Variants in CYP3A7 observed in about 807,000 individuals in gnomAD.
CYP3A7 encodes the protein cytochrome P450 3A7.
A neutral mutation model predicts 55.2 loss-of-function variants in CYP3A7; 45 were observed. That is an observed-to-expected ratio of 0.82 (90% CI 0.64 to 1.05). The LOEUF (loss-of-function observed/expected upper bound fraction) is 1.05, where lower values mean the gene tolerates loss of function less well. Ranked by LOEUF, CYP3A7 falls within the 50% of genes least tolerant of loss-of-function variation. The pLI is 0.00. For synonymous variants in CYP3A7, 180 were observed against 207.4 expected (o/e 0.87, Z 1.13); for missense variants, 548 against 605.3 (o/e 0.91, Z 0.99).
Position 99,710,754 on chromosome 7 carries a change from A to G in CYP3A7, c.1004T>C (p.Ile335Thr), listed in dbSNP as rs778224174. The change falls in exon 10 of 13, where the codon ATT becomes ACT. Residue 335 changes from isoleucine (I) to threonine (T), a missense_variant. Transcript: ENST00000336374. ...PDVQQKVQKE[I>T]DTVLPNKAPP... ...CACCTTATTGGGTAAAACTGTATCAATTTCCTTCTGCACTTTCTGCTGGAC... is the reference window on the plus strand; with the variant it reads ...CACCTTATTGGGTAAAACTGTATCAGTTTCCTTCTGCACTTTCTGCTGGAC... The G allele has an allele frequency of 5.6e-6, 9 of 1,613,772 alleles. No individual in the cohort carries two copies. In the African/African-American group the frequency reaches 1.2e-4, roughly 22 times the overall value.
In CYP3A7 at chr7:99,717,512, A is replaced by T. The variant is rs772631664; in HGVS notation, c.432+14T>A. ...TCTTTAAGTTTCTAATTAAAACCCA[A>T]GTTATTTTCATACCTCCTTGAGTTT... On this transcript the variant is annotated intron_variant, in intron 5 of 12. Coordinates refer to ENST00000336374, the MANE Select transcript of CYP3A7 (RefSeq NM_000765.5). 5 of 1,613,438 alleles carry T rather than the reference A, an allele frequency of 3.1e-6. No homozygotes were observed. Among genetic ancestry groups the T allele is most frequent in the Non-Finnish European group, 3.4e-6 (4 of 1,179,714 alleles).
intron 1 of CYP3A7, among the ~76,000 whole-genome samples, chr7:99,732,208 C>T (rs1814653267): frequency 6.6e-6 from 1 of 152,098 alleles, no homozygotes; most frequent in Admixed American, 6.5e-5. Flanking sequence ...GTGGCACCTC[C>T]TCCCCACCCT....
At chr7:99,708,918 T>C (rs1813634153) in intron 11 of CYP3A7, 117 bp downstream of exon 11, 2 of 1,243,036 alleles carry the variant, frequency 1.6e-6, no homozygotes, top group Non-Finnish European at 1.2e-6. Flanking sequence ...TGAAAAAACC[T>C]TTTAAACATA....
At position 99,707,900 on chromosome 7, in the gene CYP3A7, A is replaced by G. The variant is rs762758271; in HGVS notation, c.1328T>C (p.Ile443Thr). The change falls in exon 12 of 13, where the codon ATT (isoleucine) becomes ACT (threonine). Residue 443 changes from isoleucine (I) to threonine (T), a missense_variant. By Grantham distance (89) the Ile-to-Thr change is moderately conservative (BLOSUM62 -1). Transcript: ENST00000336374. The part of the protein sequence containing the change: ...TPFGSGPRNC[I>T]GMRFALVNMK... ...GTTCACGAGAGCAAACCTCATGCCA[A>G]TGCAGTTTCTGGGTCCACTTCCAAA... 1 of 1,614,058 alleles carries G rather than the reference A, an allele frequency of 6.2e-7. No individual in the cohort carries two copies. Among genetic ancestry groups the G allele is most frequent in the Non-Finnish European group, 8.5e-7 (1 of 1,179,920 alleles).
chr7:99,708,116 A>G, intron 11 of CYP3A7, 142 bp from the exon 12 acceptor site: 1 of 1,165,960 alleles, frequency 8.6e-7, no homozygotes, highest in Non-Finnish European at 1.2e-6. Context: ...AAATCCTGCT[A>G]TGCATATTTT....
chr7:99,733,300 G>C (rs1218476685), intron 1 of CYP3A7, among the ~76,000 whole-genome samples: 1 of 152,176 alleles, frequency 6.6e-6, no homozygotes, highest in African/African-American at 2.4e-5. Flanking sequence ...TGGCCCCCGA[G>C]GAAAGATCTA....
chr7:99,717,723 T>A (rs1814020120), intron 4 of CYP3A7, 84 bp from the exon 5 acceptor site: 2 of 1,496,850 alleles, frequency 1.3e-6, no homozygotes, highest in Admixed American at 1.9e-5. Context: ...ACAGGCATCA[T>A]GTATTTAACA....
intron 4 of CYP3A7, among the ~76,000 whole-genome samples, chr7:99,719,427 A>G (rs1814095693): frequency 6.6e-6 from 1 of 152,218 alleles, no homozygotes; most frequent in African/African-American, 2.4e-5. Context: ...ACAAGCCACA[A>G]AAAATGAACG....
chr7:99,723,032 A>G (rs910695464), intron 2 of CYP3A7, among the ~76,000 whole-genome samples: 51 of 151,830 alleles, frequency 3.4e-4, no homozygotes, highest in African/African-American at 1.2e-3. Context: ...AAACTTAAAA[A>G]AAAACCTTCC....
rs1563029206 is a variant in CYP3A7, at chr7:99,731,083, C to T, written c.141G>A (p.Leu47=). 1.2e-6 allele frequency: 2 copies of T among 1,613,646 alleles called. No individual in the cohort carries two copies. The highest frequency in any genetic ancestry group is 1.7e-6 in the Non-Finnish European group (2 of 1,179,738). The change falls in exon 2 of 13, where the codon TTG becomes TTA. Residue 47 remains leucine (L), a synonymous_variant. Transcript: ENST00000336374. ...CCTTACGGAAGGACAAAGCATTTCC[C>T]AAAAAAGGCAGAGGTGTGGGCCCTG... ...GIPGPTPLPF[L]GNALSFRKGY...
chr7:99,705,139 A>G lies in CYP3A7; in HGVS notation c.*361T>C. 7.9e-6 allele frequency: 2 copies of G among 252,132 alleles called. No individual in the cohort carries two copies. Among genetic ancestry groups the G allele is most frequent in the Non-Finnish European group, 1.6e-5 (2 of 127,748 alleles). The allele number at this position is 252,132 out of a possible 1,614,324, so 15.6% of individuals were successfully genotyped here. A position where few individuals can be genotyped will look rare whatever the true frequency, so the allele number is the denominator to read the frequency against. On this transcript the variant is annotated 3_prime_UTR_variant, in exon 13 of 13. Transcript: ENST00000336374. ...TAAATGTCACTGTTAGAGCCATCAA[A>G]ATAATTCCTATTTTTATTAATGATT...
intron 9 of CYP3A7, 29 bp from the exon 10 acceptor site, chr7:99,710,921 A>G: frequency 6.2e-7 from 1 of 1,613,354 alleles, no homozygotes; most frequent in Non-Finnish European, 8.5e-7. Flanking sequence ...CATTTTAGGT[A>G]AATCAGGTCA....
At chr7:99,719,513 C>T (rs1247524021) in intron 4 of CYP3A7, among the ~76,000 whole-genome samples, 1 of 152,088 alleles carries the variant, frequency 6.6e-6, no homozygotes, top group Non-Finnish European at 1.5e-5. Context: ...AAGCATTAAA[C>T]TTTATGACTT....
chr7:99,710,629 A>C (rs1371407078), intron 10 of CYP3A7, 103 bp downstream of exon 10: 2 of 1,583,574 alleles, frequency 1.3e-6, no homozygotes, highest in Non-Finnish European at 1.7e-6. Flanking sequence ...GAATGAAACA[A>C]TCATGATTAT....
intron 1 of CYP3A7, among the ~76,000 whole-genome samples, chr7:99,733,012 A>T (rs1814684687): frequency 6.6e-6 from 1 of 152,230 alleles, no homozygotes; most frequent in African/African-American, 2.4e-5. Context: ...GGTAAAATAC[A>T]ACTAAGAAAC....
At chr7:99,720,156 A>C (rs1179370882) in intron 4 of CYP3A7, among the ~76,000 whole-genome samples, 157 bp downstream of exon 4, 1 of 152,218 alleles carries the variant, frequency 6.6e-6, no homozygotes, top group Non-Finnish European at 1.5e-5. Context: ...ATAGTTATGC[A>C]AGATTGCAAG....
At chr7:99,733,751 C>A (rs1200783274) in intron 1 of CYP3A7, among the ~76,000 whole-genome samples, 1 of 152,202 alleles carries the variant, frequency 6.6e-6, no homozygotes, top group Non-Finnish European at 1.5e-5. Flanking sequence ...GGAATATTTT[C>A]TCACTTCATC....
rs755804468 is a variant in CYP3A7 at position 99,709,193 on chromosome 7, T to C, written c.1095A>G (p.Arg365=). The C allele has an allele frequency of 6.2e-7, 1 of 1,614,018 alleles. No homozygotes were observed. The highest frequency in any genetic ancestry group is 8.5e-7 in the Non-Finnish European group (1 of 1,179,944). The change falls in exon 11 of 13, where the codon AGA becomes AGG. Residue 365 remains arginine (R), a synonymous_variant. Coordinates refer to ENST00000336374, the MANE Select transcript of CYP3A7 (RefSeq NM_000765.5). ...YLDMVVNETL[R]LFPVAMRLER... ...CAAGTCTCATAGCAACTGGGAATAA[T>C]CTGAGTGTTTCATTCACCACCATGT... is the stretch of plus-strand genomic sequence containing the variant.
intron 6 of CYP3A7, among the ~76,000 whole-genome samples, chr7:99,716,475 G>A (rs943093818): frequency 2.0e-5 from 3 of 152,124 alleles, no homozygotes; most frequent in African/African-American, 7.2e-5. Context: ...TGCCCTGATG[G>A]CAGAATTATT....
Sources: allele counts gnomAD v4.1 joint callset (sites outside exome capture counted in the v4.1 genomes callset), GRCh38; gene constraint gnomAD v4.1.1; transcripts MANE v1.5; gene names NCBI Gene and HGNC (gene_info 2026-07-23, HGNC 2026-07-21).